HECW1: variants seen among roughly 807,000 people sequenced by gnomAD.
HECW1 encodes the protein HECT, C2 and WW domain containing E3 ubiquitin protein ligase 1, also known as E3 ubiquitin-protein ligase HECW1.
A neutral mutation model predicts 182.3 loss-of-function variants in HECW1; 61 were observed. The observed-to-expected ratio is 0.33, with a 90% confidence interval of 0.27 to 0.41. The LOEUF (loss-of-function observed/expected upper bound fraction) is 0.41, where lower values mean the gene tolerates loss of function less well. Among genes scored for constraint, HECW1 ranks in the 10% least tolerant of loss-of-function variants. The pLI, the probability that HECW1 is intolerant of heterozygous loss-of-function variation, is 1.00. For synonymous variants in HECW1, 859 were observed against 832.6 expected, an observed-to-expected ratio of 1.03 and a Z score of -0.55; for missense variants, 1,739 against 2,108.9, an observed-to-expected ratio of 0.82 and a Z score of 3.44.
At chr7:43,321,901 C>T (rs17653768) in intron 5 of HECW1, among the ~76,000 whole-genome samples, 10,666 of 152,190 alleles carry the variant, frequency 0.07, 479 homozygotes, top group Middle Eastern at 0.13. Context: ...ATGGTATCCC[C>T]GCTCCCGGCA....
chr7:43,374,376 A>T (rs956827072), intron 6 of HECW1, among the ~76,000 whole-genome samples: 5 of 152,214 alleles, frequency 3.3e-5, no homozygotes, highest in African/African-American at 1.2e-4. Context: ...CTTTTGACCA[A>T]CAGTCACAGG....
intron 7 of HECW1, among the ~76,000 whole-genome samples, chr7:43,403,932 A>G (rs948726505): frequency 6.6e-6 from 1 of 152,226 alleles, no homozygotes; most frequent in Non-Finnish European, 1.5e-5. Context: ...CTATCACCAG[A>G]ACCAAAAAAT....
At chr7:43,553,299 G>A (rs2081904532) in intron 28 of HECW1, among the ~76,000 whole-genome samples, 3 of 152,084 alleles carry the variant, frequency 2.0e-5, no homozygotes, top group Admixed American at 2.0e-4. Flanking sequence ...GTGAGCTGGG[G>A]GCATCGCCTC....
At chr7:43,194,207 T>C (rs1261466015) in intron 2 of HECW1, among the ~76,000 whole-genome samples, 1 of 152,148 alleles carries the variant, frequency 6.6e-6, no homozygotes, top group Non-Finnish European at 1.5e-5. Flanking sequence ...GAGGAGGGTC[T>C]GTTCAGTCAG....
At chr7:43,551,977 C>G (rs551033882) in intron 27 of HECW1, among the ~76,000 whole-genome samples, 1 of 152,076 alleles carries the variant, frequency 6.6e-6, no homozygotes, top group South Asian at 2.1e-4. Flanking sequence ...AAGCACCCCC[C>G]CAAAGGCCCC....
At chr7:43,540,567 T>C (rs6952467) in intron 24 of HECW1, among the ~76,000 whole-genome samples, 82,859 of 152,042 alleles carry the variant, frequency 0.54, 22,678 homozygotes, top group Non-Finnish European at 0.58. Context: ...CCAGTTCTTC[T>C]TAGCAGTGAC....
intron 3 of HECW1, among the ~76,000 whole-genome samples, chr7:43,271,072 A>C (rs1802348539): frequency 6.6e-6 from 1 of 152,216 alleles, no homozygotes; most frequent in Non-Finnish European, 1.5e-5. Flanking sequence ...AAAAATGTCA[A>C]GGAGATAGAT....
At chr7:43,301,434 T>C (rs1240048087) in intron 3 of HECW1, among the ~76,000 whole-genome samples, 4 of 152,186 alleles carry the variant, frequency 2.6e-5, no homozygotes, top group Non-Finnish European at 5.9e-5. Context: ...TGTGTCATAG[T>C]TGACTGCTTA....
chr7:43,471,778 G>A (rs577131860), intron 16 of HECW1, among the ~76,000 whole-genome samples: 2 of 152,306 alleles, frequency 1.3e-5, no homozygotes, highest in South Asian at 4.1e-4. Context: ...TGAGACCAAG[G>A]CAGCCTCTGC....
At chr7:43,390,335 T>G (rs1316919327) in intron 6 of HECW1, among the ~76,000 whole-genome samples, 1 of 151,856 alleles carries the variant, frequency 6.6e-6, no homozygotes, top group Non-Finnish European at 1.5e-5. Flanking sequence ...GCCCAGAAAT[T>G]CCAGACCAGC....
chr7:43,196,495 G>GATGATCTC (rs1794472784), intron 2 of HECW1, among the ~76,000 whole-genome samples: 1 of 152,214 alleles, frequency 6.6e-6, no homozygotes, highest in Admixed American at 6.5e-5. Context: ...GCACCTCTGT[G>GATGATCTC]ATGATCTCAT....
At chr7:43,300,276 C>T (rs1806572705) in intron 3 of HECW1, among the ~76,000 whole-genome samples, 1 of 152,234 alleles carries the variant, frequency 6.6e-6, no homozygotes, top group South Asian at 2.1e-4. Context: ...CTATCACAGC[C>T]TGCTGCTGAG....
intron 2 of HECW1, among the ~76,000 whole-genome samples, chr7:43,177,087 A>C (rs1404621133): frequency 2.6e-5 from 4 of 152,184 alleles, no homozygotes; most frequent in Non-Finnish European, 5.9e-5. Context: ...CTGAAATTGT[A>C]GGCAAACATT....
At position 43,507,176 on chromosome 7, in the gene HECW1, G is replaced by A. The variant is rs761201656; in HGVS notation, c.3671G>A (p.Arg1224Gln). The change falls in exon 22 of 30, where the codon CGA becomes CAA. Residue 1224 changes from arginine to glutamine, a missense_variant. Around this residue, in one of 5 missense-constraint regions of HECW1, gnomAD observed 420 missense variants for 595.7 expected, o/e 0.71. Transcript: ENST00000395891. ...RASARAPSPY[R>Q]RDFEAKLRNF... ...AGTGCAAGAGCCCCTTCCCCCTACCGAAGAGACTTTGAGGCCAAGCTCCGC... is the reference window on the plus strand; with the variant it reads ...AGTGCAAGAGCCCCTTCCCCCTACCAAAGAGACTTTGAGGCCAAGCTCCGC... 3.4e-5 allele frequency: 55 copies of A among 1,613,866 alleles called. No individual in the cohort carries two copies. The highest frequency in any genetic ancestry group is 5.3e-5 in the African/African-American group (4 of 74,906).
At chr7:43,131,596 A>G (rs1006380000) in intron 2 of HECW1, among the ~76,000 whole-genome samples, 2 of 152,254 alleles carry the variant, frequency 1.3e-5, no homozygotes, top group Admixed American at 6.5e-5. Context: ...CAAAAGGTAC[A>G]CTGGGGTTTC....
At chr7:43,289,805 G>A (rs1333540034) in intron 3 of HECW1, among the ~76,000 whole-genome samples, 1 of 152,210 alleles carries the variant, frequency 6.6e-6, no homozygotes, top group African/African-American at 2.4e-5. Flanking sequence ...TACAGGAAAG[G>A]ACATAAATCA....
rs1459554236 is a variant in HECW1, at chr7:43,563,661, G to A, written c.*1735G>A. The stretch of plus-strand genomic sequence containing the variant: ...AGGTGGGGAGATCGCTTGAGGTCAG[G>A]AGTTCAAGACAAGCCTGGCCAACAT... On this transcript the variant is annotated 3_prime_UTR_variant, in exon 30 of 30. Coordinates refer to ENST00000395891, the MANE Select transcript of HECW1 (RefSeq NM_015052.5). The A allele has an allele frequency of 1.1e-5, 2 of 177,766 alleles. No homozygotes were observed. The highest frequency in any genetic ancestry group is 1.9e-4 in the East Asian group (2 of 10,508). The allele number at this position is 177,766 out of a possible 1,614,324, so 11.0% of individuals were successfully genotyped here.
At chr7:43,197,418 G>A (rs529026730) in intron 2 of HECW1, among the ~76,000 whole-genome samples, 1 of 152,164 alleles carries the variant, frequency 6.6e-6, no homozygotes. Context: ...GCTGCCTGTG[G>A]AGAGGCATTG....
At chr7:43,279,868 G>A (rs979802486) in intron 3 of HECW1, among the ~76,000 whole-genome samples, 1 of 152,158 alleles carries the variant, frequency 6.6e-6, no homozygotes, top group Non-Finnish European at 1.5e-5. Flanking sequence ...GCAGTGCAGC[G>A]ACTATTACAG....
Sources: allele counts gnomAD v4.1 joint callset (sites outside exome capture counted in the v4.1 genomes callset), GRCh38; gene constraint gnomAD v4.1.1; regional missense constraint gnomAD v4.1.1; transcripts MANE v1.5; gene names NCBI Gene and HGNC (gene_info 2026-07-23, HGNC 2026-07-21).